FDFT1: variants seen among roughly 807,000 people sequenced by gnomAD.
The protein encoded by FDFT1 is squalene synthase.
In FDFT1, 68 loss-of-function variants were observed where a neutral mutation model predicts 46.8. That is an observed-to-expected ratio of 1.45 (90% CI 1.19 to 1.78). The LOEUF is 1.78. FDFT1 is among the 40% of genes most tolerant of loss of function. FDFT1 has a pLI of 0.00. For missense variants in FDFT1, 928 were observed against 524.4 expected (o/e 1.77, Z -7.52); for synonymous variants, 351 against 185.1 (o/e 1.90, Z -7.28).
chr8:11,802,431 C>A (rs1207789447), upstream of FDFT1: 2 of 459,258 alleles, frequency 4.4e-6, no homozygotes. Flanking sequence ...CTCCAGTCCC[C>A]ACAGCGTTCG....
intron 3 of FDFT1, among the ~76,000 whole-genome samples, chr8:11,820,366 C>A (rs1377655796): frequency 6.6e-6 from 1 of 152,200 alleles, no homozygotes; most frequent in Non-Finnish European, 1.5e-5. Context: ...CTGGGAGAAC[C>A]ACTGCTCTCT....
At chr8:11,831,048 C>T (rs1810710092) in intron 6 of FDFT1, among the ~76,000 whole-genome samples, 2 of 152,260 alleles carry the variant, frequency 1.3e-5, no homozygotes, top group Admixed American at 6.5e-5. Flanking sequence ...AATACTTTAC[C>T]TTTGAGCACA....
chr8:11,814,930 A>G (rs1563311902), intron 3 of FDFT1, among the ~76,000 whole-genome samples: 1 of 152,184 alleles, frequency 6.6e-6, no homozygotes, highest in Non-Finnish European at 1.5e-5. Flanking sequence ...CAGGTTTGTT[A>G]CATAGGTATA....
upstream of FDFT1, among the ~76,000 whole-genome samples, chr8:11,800,190 G>T (rs923407292): frequency 7.7e-6 from 1 of 129,814 alleles, no homozygotes; most frequent in Non-Finnish European, 1.5e-5. Flanking sequence ...GAACCCAGAA[G>T]GCAGAGGTGG....
chr8:11,809,005 CT>C, intron 2 of FDFT1, 114 bp downstream of exon 2: 1 of 1,476,256 alleles, frequency 6.8e-7, no homozygotes, highest in Non-Finnish European at 9.1e-7. Context: ...GTTGCTGTGG[CT>C]TATCCAGAAC....
intron 7 of FDFT1, among the ~76,000 whole-genome samples, chr8:11,836,621 C>A (rs553658615): frequency 6.6e-6 from 1 of 152,234 alleles, no homozygotes; most frequent in Non-Finnish European, 1.5e-5. Flanking sequence ...CAAGCTTTTG[C>A]CTCAGGTTCT....
rs755611965 is a variant in FDFT1, at chr8:11,835,971, TAAAAAAAAAA to T, written c.1033-2402_1033-2393del. 9.9e-4 allele frequency among the ~76,000 whole-genome samples: 64 copies of T among 64,612 alleles called. 1 individual carries two copies. Among genetic ancestry groups the T allele is most frequent in the Admixed American group, 2.8e-3 (12 of 4,250 alleles). 42.4% of individuals were successfully genotyped at this position (64,612 alleles called of 152,430 possible). On this transcript the variant is annotated intron_variant, in intron 7 of 7. Transcript: ENST00000220584. Reference sequence around the variant, plus strand: ...TTATGTGATGAAACCCTGTCTCTACTAAAAAAAAAAAAAAAAAAAAAAAATACAAAAGTTA... The same window carrying T: ...TTATGTGATGAAACCCTGTCTCTACTAAAAAAAAAAAAAATACAAAAGTTA...
At chr8:11,835,174 A>C (rs567294127) in intron 7 of FDFT1, among the ~76,000 whole-genome samples, 1 of 152,294 alleles carries the variant, frequency 6.6e-6, no homozygotes, top group East Asian at 1.9e-4. Flanking sequence ...TGTAGATGAA[A>C]AGTCGGCTAT....
upstream of FDFT1, among the ~76,000 whole-genome samples, chr8:11,798,650 G>C (rs1008162694): frequency 1.3e-5 from 2 of 152,204 alleles, no homozygotes; most frequent in Admixed American, 6.5e-5. Context: ...ATGGAAGAGA[G>C]ATTTAAAGAA....
intron 4 of FDFT1, among the ~76,000 whole-genome samples, chr8:11,824,821 C>G (rs149699649): frequency 0.017 from 2,551 of 152,214 alleles, 65 homozygotes; most frequent in African/African-American, 0.058. Flanking sequence ...CTGCAAGCTC[C>G]ACCTCCTGGG....
intron 7 of FDFT1, among the ~76,000 whole-genome samples, chr8:11,833,785 C>T (rs1377691063): frequency 6.6e-6 from 1 of 152,080 alleles, no homozygotes; most frequent in African/African-American, 2.4e-5. Context: ...ATTTTTTGGC[C>T]CTTGAATAAG....
intron 3 of FDFT1, among the ~76,000 whole-genome samples, chr8:11,816,731 CTT>C: frequency 6.6e-6 from 1 of 152,192 alleles, no homozygotes; most frequent in Non-Finnish European, 1.5e-5. Flanking sequence ...TATCCTGAGA[CTT>C]TGCTGAAGTT....
chr8:11,816,470 T>C (rs1808468255), intron 3 of FDFT1, among the ~76,000 whole-genome samples: 1 of 152,226 alleles, frequency 6.6e-6, no homozygotes, highest in Non-Finnish European at 1.5e-5. Flanking sequence ...GTATAGCCAT[T>C]TTCACGATAC....
At chr8:11,825,084 G>C (rs1377965476) in intron 4 of FDFT1, among the ~76,000 whole-genome samples, 1 of 152,160 alleles carries the variant, frequency 6.6e-6, no homozygotes, top group Non-Finnish European at 1.5e-5. Flanking sequence ...ATAGTTATTT[G>C]TTCTTTCATA....
intron 3 of FDFT1, among the ~76,000 whole-genome samples, chr8:11,816,191 T>C (rs7823403): frequency 0.013 from 2,055 of 152,328 alleles, 44 homozygotes; most frequent in African/African-American, 0.047. Context: ...TGTGTAGTGT[T>C]ATTTCTGAGG....
chr8:11,799,201 T>G (rs1187516973), upstream of FDFT1, among the ~76,000 whole-genome samples: 2 of 152,212 alleles, frequency 1.3e-5, no homozygotes, highest in East Asian at 3.8e-4. Context: ...GTGTACAGTT[T>G]CTGTAAACTG....
rs60758961 is a variant in FDFT1, at chr8:11,815,879, C to T, written c.382-5871C>T. On this transcript the variant is annotated intron_variant, in intron 3 of 7. Coordinates refer to ENST00000220584, the MANE Select transcript of FDFT1 (RefSeq NM_004462.5). Reference sequence around the variant, plus strand: ...AGAAGCTCTTTAGTTGAATTAGATCCCATTTGTCTAGTTTGGCTTTTGTTG... The same window carrying T: ...AGAAGCTCTTTAGTTGAATTAGATCTCATTTGTCTAGTTTGGCTTTTGTTG... Among the ~76,000 whole-genome samples, 883 of 152,188 alleles carry T rather than the reference C, an allele frequency of 5.8e-3. 8 individuals carry two copies. Among genetic ancestry groups the T allele is most frequent in the African/African-American group, 0.019 (783 of 41,514 alleles).
chr8:11,801,995 C>T (rs1806169992), upstream of FDFT1: 3 of 455,798 alleles, frequency 6.6e-6, no homozygotes, highest in African/African-American at 2.0e-5. Flanking sequence ...GGACGGGTAG[C>T]CAGTAGTTTC....
chr8:11,802,735 C>T (rs1205996905), upstream of FDFT1: 2 of 914,554 alleles, frequency 2.2e-6, no homozygotes, highest in Non-Finnish European at 3.5e-6. Flanking sequence ...GTCCGGCCAG[C>T]CCCTCGAAGC....
Sources: allele counts gnomAD v4.1 joint callset (sites outside exome capture counted in the v4.1 genomes callset), GRCh38; gene constraint gnomAD v4.1.1; transcripts MANE v1.5; gene names NCBI Gene and HGNC (gene_info 2026-07-23, HGNC 2026-07-21).